Variants in EFCAB11 observed in about 807,000 individuals in gnomAD.
EFCAB11 encodes EF-hand calcium binding domain 11, also known as EF-hand calcium-binding domain-containing protein 11.
A neutral mutation model predicts 23.0 loss-of-function variants in EFCAB11; 14 were observed. That is an observed-to-expected ratio of 0.61 (90% CI 0.40 to 0.95). EFCAB11 has a LOEUF of 0.95. Among genes scored for constraint, EFCAB11 ranks in the 40% least tolerant of loss-of-function variants. EFCAB11 has a pLI of 0.00. For missense variants in EFCAB11, 198 were observed against 195.8 expected, an observed-to-expected ratio of 1.01 and a Z score of -0.07; for synonymous variants, 65 against 66.6, an observed-to-expected ratio of 0.98 and a Z score of 0.11.
rs184168438 is a variant in EFCAB11, at chr14:89,834,331, G to A, written c.411-37007C>T. Among the ~76,000 whole-genome samples the A allele has an allele frequency of 5.9e-3, 696 of 117,644 alleles. 11 individuals carry two copies. The highest frequency in any genetic ancestry group is 0.049 in the Admixed American group (403 of 8,188). The allele number at this position is 117,644 out of a possible 152,430, so 77.2% of individuals were successfully genotyped here. A position where few individuals can be genotyped will look rare whatever the true frequency, so the allele number is the denominator to read the frequency against. Reference sequence around the variant, plus strand: ...GCGGAGGTTGCAGCGAGCCGAGATCGCACCACTGCACTCCAGCCTGGGCAA... The same window carrying A: ...GCGGAGGTTGCAGCGAGCCGAGATCACACCACTGCACTCCAGCCTGGGCAA... On this transcript the variant is annotated intron_variant, in intron 5 of 5. Transcript: ENST00000316738.
At chr14:89,870,507 A>G (rs1439136762) in intron 5 of EFCAB11, among the ~76,000 whole-genome samples, 2 of 152,184 alleles carry the variant, frequency 1.3e-5, no homozygotes. Flanking sequence ...CCCTAAGCTG[A>G]TCCCAAAAAT....
rs945154961 is a variant in EFCAB11, at chr14:89,814,275, C to T, written c.411-16951G>A. Reference sequence around the variant, plus strand: ...AGGGATCTGTGGTGAGGGCTTCAGACCTGCCGCCTGCCAGCAACACACGGT... The same window carrying T: ...AGGGATCTGTGGTGAGGGCTTCAGATCTGCCGCCTGCCAGCAACACACGGT... On this transcript the variant is annotated intron_variant, in intron 5 of 5. Transcript: ENST00000316738. 2.9e-4 allele frequency among the ~76,000 whole-genome samples: 44 copies of T among 152,308 alleles called. 1 individual carries two copies. The highest frequency in any genetic ancestry group is 9.1e-4 in the African/African-American group (38 of 41,566).
intron 5 of EFCAB11, among the ~76,000 whole-genome samples, chr14:89,892,683 C>T (rs879489801): frequency 3.3e-5 from 5 of 152,166 alleles, no homozygotes; most frequent in African/African-American, 4.8e-5. Context: ...CAGCGGATCA[C>T]CTGAGGTCAG....
chr14:89,842,796 A>C (rs58897288), intron 5 of EFCAB11, among the ~76,000 whole-genome samples: 1 of 151,916 alleles, frequency 6.6e-6, no homozygotes, highest in Non-Finnish European at 1.5e-5. Context: ...CCTGTGCTCA[A>C]GCTACACTCC....
intron 5 of EFCAB11, among the ~76,000 whole-genome samples, chr14:89,804,213 C>A (rs12589630): frequency 0.084 from 12,847 of 152,300 alleles, 697 homozygotes; most frequent in East Asian, 0.22. Context: ...TTAAGGCCTT[C>A]TTCATGCACA....
intron 5 of EFCAB11, among the ~76,000 whole-genome samples, chr14:89,919,226 G>GAA (rs1491471317): frequency 2.7e-5 from 4 of 147,234 alleles, no homozygotes; most frequent in African/African-American, 5.2e-5. Flanking sequence ...GAGAGAGAGA[G>GAA]AAACACTAAT....
chr14:89,840,512 G>A (rs957070490), intron 5 of EFCAB11, among the ~76,000 whole-genome samples: 3 of 152,116 alleles, frequency 2.0e-5, no homozygotes, highest in African/African-American at 7.2e-5. Context: ...GACCATTGAG[G>A]AACAAATATC....
chr14:89,797,080 T>A lies in EFCAB11; in HGVS notation c.*163A>T. 2.2e-6 allele frequency: 1 copy of A among 454,966 alleles called. No homozygotes were observed. The highest frequency in any genetic ancestry group is 4.5e-5 in the South Asian group (1 of 22,086). 28.2% of individuals were successfully genotyped at this position (454,966 alleles called of 1,614,324 possible). A position where few individuals can be genotyped will look rare whatever the true frequency, so the allele number is the denominator to read the frequency against. ...CAAAATATCTCCCGTAACCCATATATGTGTGTGTATGTATACATATGCACC... is the reference window on the plus strand; with the variant it reads ...CAAAATATCTCCCGTAACCCATATAAGTGTGTGTATGTATACATATGCACC... On this transcript the variant is annotated 3_prime_UTR_variant, in exon 6 of 6. Coordinates refer to ENST00000316738, the MANE Select transcript of EFCAB11 (RefSeq NM_145231.4).
At chr14:89,825,630 CT>C (rs1396016443) in intron 5 of EFCAB11, among the ~76,000 whole-genome samples, 2 of 151,852 alleles carry the variant, frequency 1.3e-5, no homozygotes, top group Non-Finnish European at 2.9e-5. Context: ...TATATCACAA[CT>C]GAAAGTTAGA....
chr14:89,929,043 A>ATTTTATATATATATATTT (rs1890296203), intron 5 of EFCAB11, among the ~76,000 whole-genome samples: 1 of 142,516 alleles, frequency 7.0e-6, no homozygotes, highest in Non-Finnish European at 1.5e-5. Context: ...ATATATATAT[A>ATTTTATATATATATATTT]TACACACACA....
intron 3 of EFCAB11, among the ~76,000 whole-genome samples, chr14:89,939,001 G>C (rs1471785190): frequency 1.4e-5 from 2 of 140,720 alleles, no homozygotes; most frequent in African/African-American, 2.6e-5. Flanking sequence ...AGTTACAGTA[G>C]AATAGAGAAA....
At chr14:89,925,017 C>T (rs528086766) in intron 5 of EFCAB11, among the ~76,000 whole-genome samples, 1 of 152,222 alleles carries the variant, frequency 6.6e-6, no homozygotes, top group African/African-American at 2.4e-5. Context: ...TTTCATTTAT[C>T]AAGTAAGTGA....
At chr14:89,856,193 T>TC (rs1491395251) in intron 5 of EFCAB11, among the ~76,000 whole-genome samples, 28 of 17,098 alleles carry the variant, frequency 1.6e-3, no homozygotes, top group Non-Finnish European at 4.6e-3. Context: ...TCTCTCTCTC[T>TC]TTTTTTTTTT....
At chr14:89,910,723 A>G (rs552065113) in intron 5 of EFCAB11, among the ~76,000 whole-genome samples, 2 of 152,298 alleles carry the variant, frequency 1.3e-5, no homozygotes, top group South Asian at 2.1e-4. Flanking sequence ...TAGGGTACTC[A>G]TGTCACTTGG....
At chr14:89,933,656 T>C (rs1034577931) in intron 3 of EFCAB11, among the ~76,000 whole-genome samples, 13 of 152,336 alleles carry the variant, frequency 8.5e-5, no homozygotes, top group African/African-American at 2.4e-4. Context: ...AGGCACTGTA[T>C]TAAGCTTTGG....
rs376579713 is a variant in EFCAB11 at position 89,899,169 on chromosome 14, A to G, written c.410+32372T>C. On this transcript the variant is annotated intron_variant, in intron 5 of 5. Coordinates refer to ENST00000316738, the MANE Select transcript of EFCAB11 (RefSeq NM_145231.4). ...ACAAATTTGCTTTTTGGTAGGTCAC[A>G]CTTGTTTTATGGTATAGCCTTTTCA... Among the ~76,000 whole-genome samples the G allele has an allele frequency of 4.7e-4, 72 of 152,330 alleles. No homozygotes were observed. The South Asian group carries it at 0.014, about 29-fold the overall frequency.
intron 5 of EFCAB11, among the ~76,000 whole-genome samples, chr14:89,816,637 T>C (rs1949307512): frequency 6.6e-6 from 1 of 152,148 alleles, no homozygotes. Flanking sequence ...TAGTGGCATG[T>C]TTCCTAAAGC....
chr14:89,938,149 C>T (rs10498623), intron 3 of EFCAB11: 3 of 152,006 alleles, frequency 2.0e-5, no homozygotes, highest in African/African-American at 7.3e-5. Context: ...GTGAGCTCAA[C>T]TTAGAAACTG....
chr14:89,797,669 C>T (rs1363688389), intron 5 of EFCAB11, among the ~76,000 whole-genome samples: 1 of 152,192 alleles, frequency 6.6e-6, no homozygotes, highest in Non-Finnish European at 1.5e-5. Flanking sequence ...CAGTGGCTCA[C>T]ACCTGTAATC....
Sources: allele counts gnomAD v4.1 joint callset (sites outside exome capture counted in the v4.1 genomes callset), GRCh38; gene constraint gnomAD v4.1.1; transcripts MANE v1.5; gene names NCBI Gene and HGNC (gene_info 2026-07-23, HGNC 2026-07-21).